PTPRD: variants seen among roughly 807,000 people sequenced by gnomAD.
The protein encoded by PTPRD is receptor-type tyrosine-protein phosphatase delta.
A neutral mutation model predicts 214.5 loss-of-function variants in PTPRD; 34 were observed. The observed-to-expected ratio is 0.16, with a 90% CI of 0.12 to 0.21. PTPRD has a LOEUF of 0.21. PTPRD is among the 10% of genes least tolerant of loss of function. The pLI, the probability that PTPRD is intolerant of heterozygous loss-of-function variation, is 1.00. For missense variants in PTPRD, 2,545 were observed against 2,398.7 expected, an observed-to-expected ratio of 1.06 and a Z score of -1.27; for synonymous variants, 1,128 against 845.7, an observed-to-expected ratio of 1.33 and a Z score of -5.79.
chr9:9,087,919 C>T (rs1278081041), intron 10 of PTPRD, among the ~76,000 whole-genome samples: 2 of 112,848 alleles, frequency 1.8e-5, no homozygotes, highest in African/African-American at 6.8e-5. Context: ...CAGAGTCTCA[C>T]TCTGTTGCCT....
intron 7 of PTPRD, among the ~76,000 whole-genome samples, chr9:9,694,284 T>C (rs1241216052): frequency 6.6e-6 from 1 of 152,088 alleles, no homozygotes; most frequent in Non-Finnish European, 1.5e-5. Context: ...ACCCCAAGCA[T>C]AATCCTGTGG....
intron 11 of PTPRD, among the ~76,000 whole-genome samples, chr9:8,830,311 T>A (rs1451811890): frequency 1.3e-5 from 2 of 152,046 alleles, no homozygotes; most frequent in Non-Finnish European, 2.9e-5. Context: ...TTAGTATAAA[T>A]TTGCAAAGAT....
intron 7 of PTPRD, among the ~76,000 whole-genome samples, chr9:9,633,181 G>A (rs931919193): frequency 1.3e-5 from 2 of 152,072 alleles, no homozygotes; most frequent in Middle Eastern, 6.8e-3. Flanking sequence ...TGTAATTCCA[G>A]CTACTCAGGA....
chr9:10,339,079 T>C (rs139390191), intron 3 of PTPRD, among the ~76,000 whole-genome samples: 1 of 151,700 alleles, frequency 6.6e-6, no homozygotes, highest in Admixed American at 6.6e-5. Flanking sequence ...CAGGTGGTAT[T>C]GTTTAGCTTT....
chr9:9,464,114 G>A lies in PTPRD; in HGVS notation c.-236-66632C>T, dbSNP rs117073150. Among the ~76,000 whole-genome samples the A allele has an allele frequency of 8.8e-4, 134 of 151,988 alleles. 1 individual carries two copies. The highest frequency in any genetic ancestry group is 4.2e-3 in the East Asian group (22 of 5,178). On this transcript the variant is annotated intron_variant, in intron 8 of 45. Transcript: ENST00000381196. ...GGATTTGAGTCTGATCTCACTTCTCGGCTGCAGCACTTTAATAAAGCCTCC... is the reference window on the plus strand; with the variant it reads ...GGATTTGAGTCTGATCTCACTTCTCAGCTGCAGCACTTTAATAAAGCCTCC...
intron 10 of PTPRD, among the ~76,000 whole-genome samples, chr9:9,048,344 T>A (rs2099677531): frequency 6.6e-6 from 1 of 152,154 alleles, no homozygotes; most frequent in Admixed American, 6.6e-5. Context: ...TGAAGAGATA[T>A]CTGCACTCCT....
At chr9:8,547,514 G>A (rs2080555466) in intron 14 of PTPRD, among the ~76,000 whole-genome samples, 1 of 151,928 alleles carries the variant, frequency 6.6e-6, no homozygotes, top group South Asian at 2.1e-4. Flanking sequence ...GTGGTGGCAT[G>A]TGCCTGTAGT....
intron 10 of PTPRD, among the ~76,000 whole-genome samples, chr9:9,033,898 T>A (rs984670224): frequency 1.2e-4 from 19 of 152,100 alleles, no homozygotes; most frequent in African/African-American, 3.9e-4. Context: ...TAATAACCCA[T>A]TGAAATCAAA....
rs1420563430 is a variant in PTPRD, at chr9:10,062,665, C to A, written c.-544-28875G>T. 9.2e-5 allele frequency among the ~76,000 whole-genome samples: 14 copies of A among 151,824 alleles called. 1 individual carries two copies. Among genetic ancestry groups the A allele is most frequent in the Admixed American group, 9.2e-4 (14 of 15,210 alleles). ...TTCTACAACAGAGTTGTTAAGTAGC[C>A]GATAGCACTTAGGGAGAGGTACCCT... On this transcript the variant is annotated intron_variant, in intron 3 of 45. Coordinates refer to ENST00000381196, the MANE Select transcript of PTPRD (RefSeq NM_002839.4).
At chr9:9,094,978 A>T (rs1474238307) in intron 10 of PTPRD, among the ~76,000 whole-genome samples, 2 of 152,212 alleles carry the variant, frequency 1.3e-5, no homozygotes, top group African/African-American at 4.8e-5. Flanking sequence ...ATAATACTTC[A>T]TGACCAAATG....
chr9:9,736,038 A>AT (rs1486695573), intron 6 of PTPRD, among the ~76,000 whole-genome samples: 1 of 152,136 alleles, frequency 6.6e-6, no homozygotes, highest in African/African-American at 2.4e-5. Context: ...ATATACAAAG[A>AT]TACATGTGCA....
chr9:10,144,911 A>C (rs968611975), intron 3 of PTPRD, among the ~76,000 whole-genome samples: 1 of 152,116 alleles, frequency 6.6e-6, no homozygotes, highest in African/African-American at 2.4e-5. Context: ...GTATTAAACT[A>C]CAGCATTGTA....
chr9:8,482,563 T>C (rs2096909662), intron 30 of PTPRD, among the ~76,000 whole-genome samples: 1 of 152,092 alleles, frequency 6.6e-6, no homozygotes, highest in African/African-American at 2.4e-5. Context: ...TGAGAAAGGA[T>C]TTATTCTTAT....
intron 12 of PTPRD, among the ~76,000 whole-genome samples, chr9:8,655,481 A>G (rs1210561393): frequency 6.6e-6 from 1 of 152,206 alleles, no homozygotes; most frequent in Non-Finnish European, 1.5e-5. Flanking sequence ...TTTTCTGGAA[A>G]TAGTGTGCCT....
At position 8,933,130 on chromosome 9, in the gene PTPRD, C is replaced by T. The variant is rs140682734; in HGVS notation, c.-104+85567G>A. On this transcript the variant is annotated intron_variant, in intron 11 of 45. Transcript: ENST00000381196. The stretch of plus-strand genomic sequence containing the variant: ...CCCTTAGCTAGGGGAGGGAGTTCCC[C>T]GACCCCTTGTGCTTCCTGGGTGAGG... Among the ~76,000 whole-genome samples the T allele has an allele frequency of 2.4e-3, 359 of 152,070 alleles. 2 individuals carry two copies. Among genetic ancestry groups the T allele is most frequent in the South Asian group, 8.7e-3 (42 of 4,812 alleles).
At chr9:10,388,815 G>GT (rs2097986699) in intron 2 of PTPRD, among the ~76,000 whole-genome samples, 1 of 151,750 alleles carries the variant, frequency 6.6e-6, no homozygotes, top group African/African-American at 2.4e-5. Context: ...GAGGAATAGA[G>GT]GTAGAAATGC....
intron 14 of PTPRD, among the ~76,000 whole-genome samples, chr9:8,569,758 G>T (rs949986580): frequency 6.6e-6 from 1 of 151,284 alleles, no homozygotes; most frequent in African/African-American, 2.4e-5. Context: ...CTCTATCAAA[G>T]AAAGTTTGTT....
chr9:9,610,710 A>G (rs2094467478), intron 7 of PTPRD, among the ~76,000 whole-genome samples: 1 of 152,208 alleles, frequency 6.6e-6, no homozygotes, highest in Admixed American at 6.5e-5. Context: ...CATTTTAACT[A>G]GTATAATTAT....
At chr9:8,454,876 C>T (rs1271824637) in intron 33 of PTPRD, among the ~76,000 whole-genome samples, 1 of 150,678 alleles carries the variant, frequency 6.6e-6, no homozygotes, top group South Asian at 2.1e-4. Flanking sequence ...TATCCATCAC[C>T]TATAAAATAC....
Sources: allele counts gnomAD v4.1 joint callset (sites outside exome capture counted in the v4.1 genomes callset), GRCh38; gene constraint gnomAD v4.1.1; transcripts MANE v1.5; gene names NCBI Gene and HGNC (gene_info 2026-07-23, HGNC 2026-07-21).